The following LRP1B variants were observed in gnomAD, a reference collection of about 807,000 sequenced individuals.
LRP1B encodes low-density lipoprotein receptor-related protein 1B.
In LRP1B, 217 loss-of-function variants were observed where a neutral mutation model predicts 556.6. The ratio of observed to expected loss-of-function variants is 0.39; its 90% confidence interval spans 0.35 to 0.44. The LOEUF (loss-of-function observed/expected upper bound fraction) is 0.44. Ranked by LOEUF, LRP1B falls within the 20% of genes least tolerant of loss-of-function variation. The pLI is 1.00. For synonymous variants in LRP1B, 2,047 were observed against 1,865.8 expected (o/e 1.10, Z -2.50); for missense variants, 5,053 against 5,620.8 (o/e 0.90, Z 3.23).
intron 2 of LRP1B, among the ~76,000 whole-genome samples, chr2:141,640,168 C>T (rs1341478632): frequency 6.6e-6 from 1 of 152,112 alleles, no homozygotes; most frequent in East Asian, 1.9e-4. Context: ...AAGTGAGAAC[C>T]AAGATTCTTA....
intron 32 of LRP1B, among the ~76,000 whole-genome samples, chr2:140,782,658 T>G (rs923895852): frequency 6.6e-6 from 1 of 152,174 alleles, no homozygotes; most frequent in Non-Finnish European, 1.5e-5. Context: ...TATTTTAATA[T>G]TCATATGTTA....
intron 43 of LRP1B, among the ~76,000 whole-genome samples, chr2:140,597,957 G>C (rs1455016401): frequency 6.6e-6 from 1 of 152,102 alleles, no homozygotes. Flanking sequence ...AGGGACATGG[G>C]TCCAGATTTC....
chr2:141,442,564 T>G (rs1681021327), intron 3 of LRP1B, among the ~76,000 whole-genome samples: 1 of 152,074 alleles, frequency 6.6e-6, no homozygotes, highest in African/African-American at 2.4e-5. Context: ...TTTCTCCTAA[T>G]GCTATCCCTC....
chr2:140,810,437 A>T (rs2105028934), intron 32 of LRP1B, among the ~76,000 whole-genome samples: 1 of 151,142 alleles, frequency 6.6e-6, no homozygotes, highest in African/African-American at 2.4e-5. Flanking sequence ...AATCCCCTGG[A>T]TATTGGTGAG....
intron 3 of LRP1B, among the ~76,000 whole-genome samples, chr2:141,312,633 A>G (rs1201425040): frequency 6.6e-6 from 1 of 152,152 alleles, no homozygotes; most frequent in Non-Finnish European, 1.5e-5. Flanking sequence ...TTGCATTAGT[A>G]AGTATTTTTC....
chr2:141,510,908 A>ACACACC (rs141053570), intron 2 of LRP1B, among the ~76,000 whole-genome samples: 2 of 3,770 alleles, frequency 5.3e-4, no homozygotes, highest in African/African-American at 1.8e-3. Flanking sequence ...ACACACACAC[A>ACACACC]CCCCACACAA....
chr2:141,785,170 C>G lies in LRP1B; in HGVS notation c.205+25109G>C, dbSNP rs1288954603. ...CTTCTGGCTCAAAATGATCAGTCTG[C>G]CATTTCCATATTCCTTTTTTCCCCT... On this transcript the variant is annotated intron_variant, in intron 2 of 90. Coordinates refer to ENST00000389484, the MANE Select transcript of LRP1B (RefSeq NM_018557.3). Among the ~76,000 whole-genome samples the G allele has an allele frequency of 2.6e-5, 4 of 152,112 alleles. No individual in the cohort carries two copies. In the East Asian group the frequency reaches 7.7e-4, roughly 29 times the overall value.
intron 1 of LRP1B, among the ~76,000 whole-genome samples, chr2:141,822,467 C>A (rs1574400633): frequency 6.6e-6 from 1 of 152,146 alleles, no homozygotes; most frequent in Non-Finnish European, 1.5e-5. Context: ...CACTTCCTTG[C>A]AGGCTCTATT....
At chr2:141,752,212 T>A (rs569487622) in intron 2 of LRP1B, among the ~76,000 whole-genome samples, 1 of 152,264 alleles carries the variant, frequency 6.6e-6, no homozygotes, top group East Asian at 1.9e-4. Flanking sequence ...ATGCAGGAAG[T>A]TTAATTTTCT....
chr2:140,421,664 A>G (rs1685450213), intron 66 of LRP1B, among the ~76,000 whole-genome samples: 1 of 152,234 alleles, frequency 6.6e-6, no homozygotes, highest in African/African-American at 2.4e-5. Flanking sequence ...GAAATAGACA[A>G]AGCATAATTT....
At chr2:140,364,880 T>C (rs1380643542) in intron 71 of LRP1B, 97 bp from the exon 72 acceptor site, 3 of 1,016,370 alleles carry the variant, frequency 3.0e-6, no homozygotes, top group Non-Finnish European at 4.4e-6. Context: ...CAGTATCTAG[T>C]TGACTGCTTC....
chr2:141,241,609 C>T (rs528390692), intron 5 of LRP1B, among the ~76,000 whole-genome samples: 6 of 152,078 alleles, frequency 3.9e-5, no homozygotes, highest in African/African-American at 1.4e-4. Context: ...TTTATTGATC[C>T]CCAACATCCC....
At chr2:141,179,376 T>G (rs1259644985) in intron 7 of LRP1B, among the ~76,000 whole-genome samples, 1 of 152,046 alleles carries the variant, frequency 6.6e-6, no homozygotes, top group Non-Finnish European at 1.5e-5. Context: ...ATTTTATTCC[T>G]CACTAAGCCA....
At position 141,199,589 on chromosome 2, in the gene LRP1B, A is replaced by C. The variant is rs147134404; in HGVS notation, c.851-11006T>G. Reference sequence around the variant, plus strand: ...CTTGTCTGCTTTTCTTTGAACCTGCAGAGAAAGCTCCTTAAGTCTTGATTC... The same window carrying C: ...CTTGTCTGCTTTTCTTTGAACCTGCCGAGAAAGCTCCTTAAGTCTTGATTC... On this transcript the variant is annotated intron_variant, in intron 6 of 90. Transcript: ENST00000389484. Among the ~76,000 whole-genome samples the C allele has an allele frequency of 1.8e-3, 277 of 152,298 alleles. 1 individual carries two copies. The highest frequency in any genetic ancestry group is 6.3e-3 in the African/African-American group (261 of 41,588).
chr2:141,630,746 C>T (rs1490347207), intron 2 of LRP1B, among the ~76,000 whole-genome samples: 1 of 152,188 alleles, frequency 6.6e-6, no homozygotes, highest in Non-Finnish European at 1.5e-5. Context: ...CAAGAATATG[C>T]ACAGGGGGTG....
chr2:140,738,135 C>A (rs889866134), intron 35 of LRP1B, among the ~76,000 whole-genome samples: 2 of 152,110 alleles, frequency 1.3e-5, no homozygotes, highest in African/African-American at 2.4e-5. Context: ...CCCTCTGAAC[C>A]ACAAGCTGCA....
Position 140,672,482 on chromosome 2 carries a change from T to TAAAAAAAAAAAAAAAAAAAAAAA in LRP1B, c.6799+27745_6799+27767dup, listed in dbSNP as rs55884730. On this transcript the variant is annotated intron_variant, in intron 41 of 90. Transcript: ENST00000389484. ...CTGGGTGACAGAATGAGACTCCATC[T>TAAAAAAAAAAAAAAAAAAAAAAA]AAAAAAAAAAAAAAAAAAAAAAAAA... Among the ~76,000 whole-genome samples the TAAAAAAAAAAAAAAAAAAAAAAA allele has an allele frequency of 3.4e-4, 28 of 81,574 alleles. 1 individual carries two copies. The highest frequency in any genetic ancestry group is 7.9e-4 in the East Asian group (2 of 2,524). 53.5% of individuals were successfully genotyped at this position (81,574 alleles called of 152,430 possible).
chr2:141,897,598 T>C (rs1274346477), intron 1 of LRP1B, among the ~76,000 whole-genome samples: 1 of 151,970 alleles, frequency 6.6e-6, no homozygotes, highest in Non-Finnish European at 1.5e-5. Context: ...TACAAAGATA[T>C]GATTTTTTTC....
intron 18 of LRP1B, among the ~76,000 whole-genome samples, chr2:140,970,082 T>G (rs1054686822): frequency 6.6e-6 from 1 of 152,188 alleles, no homozygotes; most frequent in Non-Finnish European, 1.5e-5. Context: ...CTTGCTAGGT[T>G]GGGGAAGTTC....
Sources: gnomAD v4.1 joint callset for allele counts (sites outside exome capture counted in the v4.1 genomes callset) on GRCh38, gnomAD v4.1.1 for gene constraint, MANE v1.5 for transcripts, NCBI Gene and HGNC (gene_info 2026-07-23, HGNC 2026-07-21) for gene names.